ENPP1: variants seen among roughly 807,000 people sequenced by gnomAD.
The protein encoded by ENPP1 is ectonucleotide pyrophosphatase/phosphodiesterase 1, also known as ectonucleotide pyrophosphatase/phosphodiesterase family member 1.
ENPP1 carries 73 observed loss-of-function variants against 122.8 expected under a neutral mutation model. The ratio of observed to expected loss-of-function variants is 0.59; its 90% CI spans 0.49 to 0.72. The LOEUF (loss-of-function observed/expected upper bound fraction) is 0.72, where lower values mean the gene tolerates loss of function less well. Ranked by LOEUF, ENPP1 falls within the 30% of genes least tolerant of loss-of-function variation. The probability of loss-of-function intolerance (pLI) is 0.00; values close to 1 mark genes in which losing one functional copy is unlikely to be tolerated. For missense variants in ENPP1, 978 were observed against 1,128.1 expected (o/e 0.87, Z 1.91); for synonymous variants, 367 against 391.6 (o/e 0.94, Z 0.74).
At chr6:131,837,553 C>T (rs1422123626) in intron 1 of ENPP1, among the ~76,000 whole-genome samples, 6 of 149,990 alleles carry the variant, frequency 4.0e-5, no homozygotes, top group Admixed American at 3.3e-4. Flanking sequence ...ACCCAACCAG[C>T]CAACCAAACA....
intron 1 of ENPP1, chr6:131,827,290 G>T: frequency 1.5e-6 from 2 of 1,328,762 alleles, no homozygotes; most frequent in Non-Finnish European, 2.2e-6. Context: ...GAATAAAAAG[G>T]ATCATACTGA....
intron 15 of ENPP1, among the ~76,000 whole-genome samples, chr6:131,873,990 C>T (rs1305976703): frequency 6.6e-6 from 1 of 152,070 alleles, no homozygotes; most frequent in African/African-American, 2.4e-5. Flanking sequence ...TATCTAAACT[C>T]ACAAGTAGTT....
intron 6 of ENPP1, among the ~76,000 whole-genome samples, chr6:131,856,117 A>G (rs183862576): frequency 1.3e-5 from 2 of 152,230 alleles, no homozygotes; most frequent in African/African-American, 2.4e-5. Flanking sequence ...TACATGGAAG[A>G]AGATAGTTTT....
chr6:131,874,847 C>T (rs567330886), intron 16 of ENPP1, among the ~76,000 whole-genome samples: 7,777 of 152,022 alleles, frequency 0.051, 309 homozygotes, highest in African/African-American at 0.11. Context: ...TATATACACA[C>T]ACACACACAC....
chr6:131,817,830 T>C (rs1781434760), intron 1 of ENPP1, among the ~76,000 whole-genome samples: 2 of 151,768 alleles, frequency 1.3e-5, no homozygotes, highest in South Asian at 4.2e-4. Flanking sequence ...ATGTATAATA[T>C]GCATAAGAAA....
chr6:131,810,184 C>T (rs1015178078), intron 1 of ENPP1, among the ~76,000 whole-genome samples: 1 of 152,034 alleles, frequency 6.6e-6, no homozygotes, highest in Non-Finnish European at 1.5e-5. Flanking sequence ...CATGATGAAA[C>T]CCATCTCTAC....
At chr6:131,815,004 G>A (rs1191448487) in intron 1 of ENPP1, among the ~76,000 whole-genome samples, 1 of 152,126 alleles carries the variant, frequency 6.6e-6, no homozygotes, top group Non-Finnish European at 1.5e-5. Context: ...ACACAAGCAG[G>A]GACCCATAGG....
At chr6:131,849,625 A>G (rs1781856018) in intron 2 of ENPP1, among the ~76,000 whole-genome samples, 1 of 152,248 alleles carries the variant, frequency 6.6e-6, no homozygotes, top group South Asian at 2.1e-4. Context: ...TGCCTGCTTA[A>G]GCCAACTTTT....
chr6:131,847,716 A>G, intron 1 of ENPP1, 60 bp from the exon 2 acceptor site: 2 of 1,226,674 alleles, frequency 1.6e-6, no homozygotes, highest in Non-Finnish European at 2.3e-6. Flanking sequence ...TAAAAATAAA[A>G]AATAAGATAA....
At position 131,891,945 on chromosome 6, in the gene ENPP1, G is replaced by A. The variant is rs980664796; in HGVS notation, c.*1434G>A. The A allele has an allele frequency of 6.6e-6, 1 of 151,730 alleles. No individual in the cohort carries two copies. The highest frequency in any genetic ancestry group is 6.6e-5 in the Admixed American group (1 of 15,222). 9.4% of individuals were successfully genotyped at this position (151,730 alleles called of 1,614,324 possible). A position where few individuals can be genotyped will look rare whatever the true frequency, so the allele number is the denominator to read the frequency against. Reference sequence around the variant, plus strand: ...GATTTTTATATTTTAGTTATTGTATGTTTTATTTCTAAAATTTCCATTCAG... The same window carrying A: ...GATTTTTATATTTTAGTTATTGTATATTTTATTTCTAAAATTTCCATTCAG... On this transcript the variant is annotated 3_prime_UTR_variant, in exon 25 of 25. Transcript: ENST00000647893.
chr6:131,831,395 T>C (rs1416798191), intron 1 of ENPP1, among the ~76,000 whole-genome samples: 1 of 152,110 alleles, frequency 6.6e-6, no homozygotes, highest in Non-Finnish European at 1.5e-5. Flanking sequence ...CAGTGATACA[T>C]GATTATTAAC....
intron 1 of ENPP1, among the ~76,000 whole-genome samples, chr6:131,842,843 A>G (rs917149605): frequency 6.6e-6 from 1 of 152,192 alleles, no homozygotes; most frequent in Non-Finnish European, 1.5e-5. Context: ...AGAATAATAC[A>G]CATGATATTA....
In ENPP1 at chr6:131,874,285, A is replaced by T. The variant is rs771239883; in HGVS notation, c.1583A>T (p.Lys528Ile). The part of the protein sequence containing the change: ...WQLALNPSER[K>I]YCGSGFHGSD... ...AACATTAGGAATCCCTCAGAAAGGA[A>T]ATATTGTGGAAGTGGATTTCATGGC... The change falls in exon 16 of 25, where the codon AAA (lysine) becomes ATA (isoleucine). Residue 528 changes from lysine to isoleucine, a missense_variant. Around this residue, in one of 3 missense-constraint regions of ENPP1, gnomAD observed 644 missense variants for 781.5 expected, o/e 0.82. Coordinates refer to ENST00000647893, the MANE Select transcript of ENPP1 (RefSeq NM_006208.3). 1 of 1,593,040 alleles carries T rather than the reference A, an allele frequency of 6.3e-7. No individual in the cohort carries two copies. The highest frequency in any genetic ancestry group is 8.6e-7 in the Non-Finnish European group (1 of 1,161,738).
intron 1 of ENPP1, among the ~76,000 whole-genome samples, chr6:131,810,390 G>A (rs1469261425): frequency 6.6e-6 from 1 of 151,932 alleles, no homozygotes; most frequent in East Asian, 1.9e-4. Flanking sequence ...TGAACTGAAA[G>A]TGCAAACTCG....
chr6:131,825,929 C>G, intron 1 of ENPP1: 2 of 438,864 alleles, frequency 4.6e-6, no homozygotes, highest in Non-Finnish European at 4.1e-6. Flanking sequence ...TTATTTAAAG[C>G]CCTGGAGCAT....
At chr6:131,871,106 T>C (rs915553827) in intron 13 of ENPP1, among the ~76,000 whole-genome samples, 2 of 151,884 alleles carry the variant, frequency 1.3e-5, no homozygotes, top group African/African-American at 2.4e-5. Context: ...AATAGCAGTC[T>C]CCAGAGATGT....
rs759144267 is a variant in ENPP1, at chr6:131,851,170, G to A, written c.459G>A (p.Arg153=). 2.4e-5 allele frequency: 38 copies of A among 1,613,940 alleles called. No homozygotes were observed. The highest frequency in any genetic ancestry group is 2.8e-5 in the Non-Finnish European group (33 of 1,179,950). ...PEHIWTCNKF[R]CGEKRLTRSL... is the part of the protein sequence containing the mutation. ...ATATATGGACTTGCAACAAATTCAG[G>A]TGTGGTGAGAAAAGGTTGACCAGAA... The change falls in exon 4 of 25, where the codon AGG becomes AGA. Residue 153 remains arginine, a synonymous_variant. Coordinates refer to ENST00000647893, the MANE Select transcript of ENPP1 (RefSeq NM_006208.3).
At chr6:131,826,351 A>C in intron 1 of ENPP1, 1 of 1,230,614 alleles carries the variant, frequency 8.1e-7, no homozygotes, top group Admixed American at 1.8e-5. Context: ...CAAATAATGT[A>C]GTTTGCTGCA....
chr6:131,874,626 T>A (rs1782204620), intron 16 of ENPP1, among the ~76,000 whole-genome samples: 1 of 152,092 alleles, frequency 6.6e-6, no homozygotes, highest in African/African-American at 2.4e-5. Flanking sequence ...TGGATCACTG[T>A]ATAGAGATTT....
Sources: allele counts gnomAD v4.1 joint callset (sites outside exome capture counted in the v4.1 genomes callset), GRCh38; gene constraint gnomAD v4.1.1; regional missense constraint gnomAD v4.1.1; transcripts MANE v1.5; gene names NCBI Gene and HGNC (gene_info 2026-07-23, HGNC 2026-07-21).